Variants in CCSER1 observed in about 807,000 individuals in gnomAD.
CCSER1 encodes coiled-coil serine rich protein 1.
A neutral mutation model predicts 82.0 loss-of-function variants in CCSER1; 41 were observed. The observed-to-expected ratio is 0.50, with a 90% CI of 0.39 to 0.65. The LOEUF is 0.65. Among genes scored for constraint, CCSER1 ranks in the 30% least tolerant of loss-of-function variants. CCSER1 has a pLI of 0.00. For missense variants in CCSER1, 1,119 were observed against 1,064.2 expected (o/e 1.05, Z -0.72); for synonymous variants, 414 against 383.9 (o/e 1.08, Z -0.92).
At chr4:90,945,545 A>G (rs1269923137) in intron 9 of CCSER1, among the ~76,000 whole-genome samples, 1 of 152,180 alleles carries the variant, frequency 6.6e-6, no homozygotes, top group Non-Finnish European at 1.5e-5. Flanking sequence ...GACAATTCCC[A>G]TAAGAGAAAA....
chr4:90,534,041 T>C (rs376532135), intron 5 of CCSER1, among the ~76,000 whole-genome samples: 1 of 152,324 alleles, frequency 6.6e-6, no homozygotes, highest in African/African-American at 2.4e-5. Context: ...GATTGTACAA[T>C]TGAATGAAAT....
chr4:91,135,863 CTAAT>C lies in CCSER1; in HGVS notation c.2217+49870_2217+49873del, dbSNP rs1193829728. On this transcript the variant is annotated intron_variant, in intron 10 of 10. Transcript: ENST00000509176. ...TTTATTTTTTAAAAATATCTTCTAA[CTAAT>C]CTATATTTGATGGTCCTGTGAATCA... Among the ~76,000 whole-genome samples, 3 of 152,112 alleles carry C rather than the reference CTAAT, an allele frequency of 2.0e-5. 1 individual carries two copies. Among genetic ancestry groups the C allele is most frequent in the Admixed American group, 1.3e-4 (2 of 15,272 alleles).
chr4:91,133,115 G>C (rs1218305374), intron 10 of CCSER1, among the ~76,000 whole-genome samples: 4 of 152,106 alleles, frequency 2.6e-5, no homozygotes, highest in Non-Finnish European at 5.9e-5. Context: ...CTTTGTTTTA[G>C]TGTGTTCTTT....
rs1291549507 is a variant in CCSER1, at chr4:90,978,656, T to C, written c.2172+55209T>C. The stretch of plus-strand genomic sequence containing the variant: ...TGAGATTGAAATTGCAATCTCAAAA[T>C]TAGATTTTGTGATGAGGGATCTGTA... On this transcript the variant is annotated intron_variant, in intron 9 of 10. Coordinates refer to ENST00000509176, the MANE Select transcript of CCSER1 (RefSeq NM_001145065.2). 2.6e-5 allele frequency among the ~76,000 whole-genome samples: 4 copies of C among 151,762 alleles called. No individual in the cohort carries two copies. The East Asian group carries it at 7.8e-4, about 29-fold the overall frequency.
intron 7 of CCSER1, among the ~76,000 whole-genome samples, chr4:90,763,227 G>A (rs531794710): frequency 6.6e-5 from 10 of 152,034 alleles, no homozygotes; most frequent in African/African-American, 2.4e-4. Flanking sequence ...AGAGAAAGGG[G>A]CTTAGTTCCA....
At chr4:91,235,898 T>A (rs1738964846) in intron 10 of CCSER1, among the ~76,000 whole-genome samples, 1 of 152,164 alleles carries the variant, frequency 6.6e-6, no homozygotes, top group South Asian at 2.1e-4. Context: ...ATATGGTGAG[T>A]GAATCATAAT....
chr4:90,661,537 G>A (rs1730775912), intron 6 of CCSER1, among the ~76,000 whole-genome samples: 1 of 152,138 alleles, frequency 6.6e-6, no homozygotes. Flanking sequence ...AGAATAGAAG[G>A]CTGAAGCGCA....
intron 10 of CCSER1, among the ~76,000 whole-genome samples, chr4:91,248,600 ATCAAAG>A (rs1740000258): frequency 6.6e-6 from 1 of 152,170 alleles, no homozygotes; most frequent in Non-Finnish European, 1.5e-5. Flanking sequence ...CCTCAAAACT[ATCAAAG>A]TCATTCAAAA....
intron 10 of CCSER1, among the ~76,000 whole-genome samples, chr4:91,314,437 G>A (rs1258990000): frequency 6.6e-6 from 1 of 151,794 alleles, no homozygotes; most frequent in Non-Finnish European, 1.5e-5. Flanking sequence ...CAAACTATAT[G>A]TCATAATTTT....
At chr4:90,326,968 C>A (rs1738340563) in intron 3 of CCSER1, among the ~76,000 whole-genome samples, 1 of 152,108 alleles carries the variant, frequency 6.6e-6, no homozygotes, top group African/African-American at 2.4e-5. Flanking sequence ...TTTTTAGATT[C>A]CATCTTCATT....
At chr4:91,126,067 G>T (rs1332012549) in intron 10 of CCSER1, among the ~76,000 whole-genome samples, 1 of 151,608 alleles carries the variant, frequency 6.6e-6, no homozygotes, top group Non-Finnish European at 1.5e-5. Context: ...TTATAGATAA[G>T]TTAGTATGAG....
intron 10 of CCSER1, among the ~76,000 whole-genome samples, chr4:91,419,966 ATAAC>A (rs950142302): frequency 3.9e-5 from 6 of 152,116 alleles, no homozygotes; most frequent in Non-Finnish European, 7.4e-5. Flanking sequence ...AGTTTCTTCA[ATAAC>A]TAATCTTGGG....
intron 9 of CCSER1, among the ~76,000 whole-genome samples, chr4:91,050,409 T>C (rs10020404): frequency 0.9 from 136,458 of 150,842 alleles, 61,880 homozygotes; most frequent in African/African-American, 0.92. Flanking sequence ...CCATTCTGGG[T>C]GATAGAGTGA....
intron 8 of CCSER1, among the ~76,000 whole-genome samples, chr4:90,828,459 C>G (rs1760750941): frequency 2.0e-5 from 3 of 152,138 alleles, no homozygotes; most frequent in Non-Finnish European, 1.5e-5. Flanking sequence ...ATGATTTCAT[C>G]ATGTCTTCTG....
At chr4:90,586,225 T>G (rs889352785) in intron 5 of CCSER1, among the ~76,000 whole-genome samples, 8 of 152,186 alleles carry the variant, frequency 5.3e-5, no homozygotes, top group African/African-American at 1.7e-4. Context: ...CTAGGTTGCG[T>G]GCTCCTTGTG....
intron 7 of CCSER1, among the ~76,000 whole-genome samples, chr4:90,810,832 C>CTTTTTTTTTTTT (rs375997127): frequency 8.8e-6 from 1 of 113,606 alleles, no homozygotes; most frequent in Admixed American, 1.0e-4. Context: ...AAGAGTAATT[C>CTTTTTTTTTTTT]TTTTTTTTTT....
chr4:91,422,392 T>C (rs1753730148), intron 10 of CCSER1, among the ~76,000 whole-genome samples: 1 of 152,136 alleles, frequency 6.6e-6, no homozygotes, highest in African/African-American at 2.4e-5. Flanking sequence ...GACTGATCAT[T>C]TTCTTCTCTG....
intron 9 of CCSER1, among the ~76,000 whole-genome samples, chr4:91,038,298 G>A (rs1561491776): frequency 1.3e-5 from 2 of 151,620 alleles, no homozygotes; most frequent in Non-Finnish European, 2.9e-5. Flanking sequence ...TTGCTAATTT[G>A]AATCCTCTAT....
chr4:90,509,666 C>T (rs768381645), intron 5 of CCSER1, among the ~76,000 whole-genome samples: 2 of 152,070 alleles, frequency 1.3e-5, no homozygotes, highest in Non-Finnish European at 2.9e-5. Flanking sequence ...TGTGCTTGAA[C>T]GTTATTATCA....
Sources: gnomAD v4.1 joint callset for allele counts (sites outside exome capture counted in the v4.1 genomes callset) on GRCh38, gnomAD v4.1.1 for gene constraint, MANE v1.5 for transcripts, NCBI Gene and HGNC (gene_info 2026-07-23, HGNC 2026-07-21) for gene names.